ERICH1: variants seen among roughly 807,000 people sequenced by gnomAD.
ERICH1 encodes the protein glutamate rich 1.
ERICH1 carries 56 observed loss-of-function variants against 39.6 expected under a neutral mutation model. That is an observed-to-expected ratio of 1.41 (90% CI 1.14 to 1.77). The LOEUF (loss-of-function observed/expected upper bound fraction) is 1.77. Among genes scored for constraint, ERICH1 ranks in the 40% most tolerant of loss-of-function variants. ERICH1 has a pLI of 0.00. For missense variants in ERICH1, 826 were observed against 575.4 expected (o/e 1.44, Z -4.45); for synonymous variants, 313 against 223.6 (o/e 1.40, Z -3.57).
At chr8:721,129 C>T (rs1563355578) in intron 1 of ERICH1, among the ~76,000 whole-genome samples, 1 of 152,082 alleles carries the variant, frequency 6.6e-6, no homozygotes, top group Non-Finnish European at 1.5e-5. Context: ...ATTTTTTCTT[C>T]AACAAGAATT....
chr8:655,135 C>T (rs1258687390), intron 3 of ERICH1, among the ~76,000 whole-genome samples: 1 of 152,212 alleles, frequency 6.6e-6, no homozygotes, highest in African/African-American at 2.4e-5. Flanking sequence ...CAGGCCAAGC[C>T]CACGCCAAGT....
chr8:684,418 G>A (rs1341550127), intron 3 of ERICH1, among the ~76,000 whole-genome samples: 1 of 151,830 alleles, frequency 6.6e-6, no homozygotes, highest in Non-Finnish European at 1.5e-5. Flanking sequence ...ACAAAAAAAT[G>A]TTAAAATGAG....
intron 3 of ERICH1, among the ~76,000 whole-genome samples, chr8:658,423 A>AAAGCAG (rs1224947698): frequency 6.6e-6 from 1 of 152,178 alleles, no homozygotes; most frequent in Non-Finnish European, 1.5e-5. Context: ...AGTCCAGTGT[A>AAAGCAG]AAGCAGGGGC....
At chr8:705,314 G>A (rs200467626) in intron 2 of ERICH1, among the ~76,000 whole-genome samples, 1 of 152,216 alleles carries the variant, frequency 6.6e-6, no homozygotes, top group African/African-American at 2.4e-5. Flanking sequence ...GCATCTCAAC[G>A]GACACTGCGC....
intron 3 of ERICH1, among the ~76,000 whole-genome samples, chr8:679,723 C>T (rs766159754): frequency 1.3e-4 from 20 of 152,214 alleles, no homozygotes; most frequent in Non-Finnish European, 1.6e-4. Flanking sequence ...TGCTGAAAGC[C>T]TTTTCTCCAA....
At chr8:696,925 A>C (rs1280506643) in intron 2 of ERICH1, among the ~76,000 whole-genome samples, 5 of 98,820 alleles carry the variant, frequency 5.1e-5, no homozygotes, top group Non-Finnish European at 6.0e-5. Flanking sequence ...ATCAGCCTGT[A>C]CTCGCTTCTC....
chr8:727,981 G>C (rs930388874), intron 1 of ERICH1, among the ~76,000 whole-genome samples: 16 of 152,204 alleles, frequency 1.1e-4, no homozygotes, highest in Non-Finnish European at 2.4e-4. Context: ...CAGGGAGACA[G>C]GGAGCGGCCG....
At chr8:661,341 G>A (rs530866767), downstream of ERICH1, among the ~76,000 whole-genome samples, 2 of 152,270 alleles carry the variant, frequency 1.3e-5, no homozygotes, top group South Asian at 4.1e-4. Context: ...CGGCAGCTGG[G>A]CCTGGGAAAC....
chr8:719,048 C>A lies in ERICH1; in HGVS notation c.23-3041G>T, dbSNP rs866775639. On this transcript the variant is annotated intron_variant, in intron 1 of 5. Coordinates refer to ENST00000262109, the MANE Select transcript of ERICH1 (RefSeq NM_207332.3). ...CCCTCCTGAGGAGCTTCCCCATAGA[C>A]CACCTAGGCAGGTCCCAGACTCACC... 7.2e-5 allele frequency among the ~76,000 whole-genome samples: 11 copies of A among 152,314 alleles called. No individual in the cohort carries two copies. The South Asian group carries it at 2.1e-3, about 29-fold the overall frequency.
chr8:707,380 G>GT (rs1813553873), intron 2 of ERICH1, among the ~76,000 whole-genome samples: 1 of 151,864 alleles, frequency 6.6e-6, no homozygotes. Flanking sequence ...AATAATTTTT[G>GT]TATTTTTAGT....
intron 1 of ERICH1, among the ~76,000 whole-genome samples, chr8:722,903 A>C (rs1817664225): frequency 6.6e-6 from 1 of 152,238 alleles, no homozygotes; most frequent in Admixed American, 6.5e-5. Context: ...GAGACCACAA[A>C]TATTCACGAG....
chr8:708,451 A>G (rs1029128806), intron 2 of ERICH1, among the ~76,000 whole-genome samples: 11 of 152,148 alleles, frequency 7.2e-5, no homozygotes, highest in African/African-American at 2.4e-4. Flanking sequence ...CATACAGTGG[A>G]ATATTATTCA....
At chr8:628,940 T>C (rs1797753992) in intron 3 of ERICH1, among the ~76,000 whole-genome samples, 1 of 151,892 alleles carries the variant, frequency 6.6e-6, no homozygotes, top group African/African-American at 2.4e-5. Flanking sequence ...AAGGTCAACA[T>C]AAAGACTAAA....
chr8:621,988 G>C (rs1240361336), intron 3 of ERICH1, among the ~76,000 whole-genome samples: 1 of 152,216 alleles, frequency 6.6e-6, no homozygotes, highest in African/African-American at 2.4e-5. Flanking sequence ...GCCAAGGCAT[G>C]ACGATCCCTT....
In ERICH1 at chr8:719,067, A is replaced by G. The variant is rs572734105; in HGVS notation, c.23-3060T>C. 6.6e-5 allele frequency among the ~76,000 whole-genome samples: 10 copies of G among 151,846 alleles called. No individual in the cohort carries two copies. The East Asian group carries it at 2.0e-3, about 30-fold the overall frequency. On this transcript the variant is annotated intron_variant, in intron 1 of 5. Transcript: ENST00000262109. ...CATAGACCACCTAGGCAGGTCCCAGACTCACCTCCCACCGGGAGCCCAGGC... is the reference window on the plus strand; with the variant it reads ...CATAGACCACCTAGGCAGGTCCCAGGCTCACCTCCCACCGGGAGCCCAGGC...
At chr8:615,510 G>A in intron 3 of ERICH1, 1 of 434,520 alleles carries the variant, frequency 2.3e-6, no homozygotes, top group Non-Finnish European at 4.0e-6. Context: ...CACCATTCCT[G>A]CAAAGGGAAG....
intron 2 of ERICH1, 105 bp from the exon 3 acceptor site, chr8:692,717 A>G (rs1809200544): frequency 7.7e-7 from 1 of 1,303,504 alleles, no homozygotes. Context: ...CATTCAAGAC[A>G]TGAAATCAAA....
At chr8:678,342 A>C (rs1805332091) in intron 3 of ERICH1, among the ~76,000 whole-genome samples, 1 of 152,190 alleles carries the variant, frequency 6.6e-6, no homozygotes, top group East Asian at 1.9e-4. Flanking sequence ...TTAAGAAGGT[A>C]ATGAAAGGAT....
chr8:699,643 G>A (rs544450148), intron 2 of ERICH1, among the ~76,000 whole-genome samples: 3 of 152,108 alleles, frequency 2.0e-5, no homozygotes, highest in East Asian at 1.9e-4. Flanking sequence ...CAACACGCGC[G>A]TGAAAGCACA....
Sources: allele counts gnomAD v4.1 joint callset (sites outside exome capture counted in the v4.1 genomes callset), GRCh38; gene constraint gnomAD v4.1.1; transcripts MANE v1.5; gene names NCBI Gene and HGNC (gene_info 2026-07-23, HGNC 2026-07-21).